Variants in UBXN7 observed in about 807,000 individuals in gnomAD.
UBXN7 encodes the protein UBX domain-containing protein 7.
A neutral mutation model predicts 58.0 loss-of-function variants in UBXN7; 9 were observed. The ratio of observed to expected loss-of-function variants is 0.16; its 90% CI spans 0.09 to 0.27. The LOEUF (loss-of-function observed/expected upper bound fraction) is 0.27, where lower values mean the gene tolerates loss of function less well. Among genes scored for constraint, UBXN7 ranks in the 10% least tolerant of loss-of-function variants. The pLI is 1.00. For missense variants in UBXN7, 328 were observed against 599.6 expected (o/e 0.55, Z 4.73); for synonymous variants, 208 against 205.0 (o/e 1.01, Z -0.12).
At chr3:196,414,577 T>C (rs1383114193) in intron 1 of UBXN7, 1 of 152,252 alleles carries the variant, frequency 6.6e-6, no homozygotes, top group African/African-American at 2.4e-5. Flanking sequence ...GTTCCCTTGG[T>C]AGGACTTTAT....
At chr3:196,367,131 C>T in intron 8 of UBXN7, among the ~76,000 whole-genome samples, 1 of 151,044 alleles carries the variant, frequency 6.6e-6, no homozygotes, top group African/African-American at 2.4e-5. Context: ...TGCAGTGAGC[C>T]AAGATCACAC....
chr3:196,387,122 GA>G (rs1729430292), intron 5 of UBXN7, among the ~76,000 whole-genome samples: 1 of 152,142 alleles, frequency 6.6e-6, no homozygotes, highest in African/African-American at 2.4e-5. Context: ...AGAGGCCTCA[GA>G]AATAACACCA....
chr3:196,368,406 A>G (rs1222169185), intron 7 of UBXN7, among the ~76,000 whole-genome samples: 1 of 152,198 alleles, frequency 6.6e-6, no homozygotes, highest in Non-Finnish European at 1.5e-5. Flanking sequence ...GGTAATATCT[A>G]GAATCTTTCT....
intron 4 of UBXN7, among the ~76,000 whole-genome samples, chr3:196,392,526 G>A (rs746587400): frequency 6.8e-6 from 1 of 147,564 alleles, no homozygotes; most frequent in South Asian, 2.1e-4. Flanking sequence ...AAATTAGCCA[G>A]GTGTAGTGGC....
chr3:196,392,859 T>C (rs1363421516), intron 4 of UBXN7, among the ~76,000 whole-genome samples: 2 of 152,258 alleles, frequency 1.3e-5, no homozygotes, highest in South Asian at 2.1e-4. Flanking sequence ...ATGACCACTG[T>C]TGTCACCTTC....
At chr3:196,362,006 A>T (rs1340372612) in intron 9 of UBXN7, 83 bp from the exon 10 acceptor site, 28 of 1,328,074 alleles carry the variant, frequency 2.1e-5, no homozygotes, top group Non-Finnish European at 2.8e-5. Context: ...TATGTAAATA[A>T]ATACAGCCAT....
intron 1 of UBXN7, among the ~76,000 whole-genome samples, chr3:196,417,451 T>C (rs764710212): frequency 3.9e-5 from 6 of 152,142 alleles, no homozygotes; most frequent in African/African-American, 1.4e-4. Flanking sequence ...GAAGATATGA[T>C]TTAATAAGAG....
intron 10 of UBXN7, among the ~76,000 whole-genome samples, chr3:196,357,347 AAC>A (rs1402895021): frequency 2.0e-5 from 3 of 152,216 alleles, no homozygotes; most frequent in Non-Finnish European, 4.4e-5. Context: ...GCATTTCAGT[AAC>A]ACAGTCTTCA....
At chr3:196,380,855 C>T (rs950998856) in intron 5 of UBXN7, among the ~76,000 whole-genome samples, 19 of 152,268 alleles carry the variant, frequency 1.2e-4, no homozygotes, top group African/African-American at 4.1e-4. Context: ...GCAGGTCCCA[C>T]GCCCATGGAG....
intron 1 of UBXN7, among the ~76,000 whole-genome samples, chr3:196,428,589 T>C (rs1730921667): frequency 6.6e-6 from 1 of 152,036 alleles, no homozygotes. Flanking sequence ...TTAGTTCTTT[T>C]CCCTTTTATC....
intron 10 of UBXN7, among the ~76,000 whole-genome samples, chr3:196,361,336 C>A (rs1486893719): frequency 6.6e-6 from 1 of 152,212 alleles, no homozygotes; most frequent in African/African-American, 2.4e-5. Context: ...GAATCTACTT[C>A]TGCTGAAGAT....
At chr3:196,375,495 G>A (rs1325938422) in intron 5 of UBXN7, among the ~76,000 whole-genome samples, 1 of 152,074 alleles carries the variant, frequency 6.6e-6, no homozygotes, top group African/African-American at 2.4e-5. Flanking sequence ...TAAAAAGAGA[G>A]AGTCTTAAAA....
intron 7 of UBXN7, among the ~76,000 whole-genome samples, chr3:196,369,067 G>A (rs767062650): frequency 2.0e-5 from 3 of 151,940 alleles, no homozygotes; most frequent in African/African-American, 4.8e-5. Flanking sequence ...CTCATGATCC[G>A]CCCACCTCGG....
At chr3:196,381,619 A>C (rs1311201263) in intron 5 of UBXN7, among the ~76,000 whole-genome samples, 1 of 152,242 alleles carries the variant, frequency 6.6e-6, no homozygotes, top group African/African-American at 2.4e-5. Flanking sequence ...CAACGGAACA[A>C]CGCTGGATGG....
Position 196,356,561 on chromosome 3 carries a change from G to T in UBXN7, c.*124C>A. 1 of 987,746 alleles carries T rather than the reference G, an allele frequency of 1.0e-6. No homozygotes were observed. The highest frequency in any genetic ancestry group is 2.7e-5 in the East Asian group (1 of 37,284). 61.2% of individuals were successfully genotyped at this position (987,746 alleles called of 1,614,324 possible). A position where few individuals can be genotyped will look rare whatever the true frequency, so the allele number is the denominator to read the frequency against. On this transcript the variant is annotated 3_prime_UTR_variant, in exon 11 of 11. Coordinates refer to ENST00000296328, the MANE Select transcript of UBXN7 (RefSeq NM_015562.2). Reference sequence around the variant, plus strand: ...TAGGAGAGATCAAGAAATAAGAGAAGGAAGGTGACTTGCTTGCCCAACTTT... The same window carrying T: ...TAGGAGAGATCAAGAAATAAGAGAATGAAGGTGACTTGCTTGCCCAACTTT...
intron 10 of UBXN7, among the ~76,000 whole-genome samples, chr3:196,361,421 T>C (rs1407563919): frequency 6.6e-6 from 1 of 152,220 alleles, no homozygotes; most frequent in Non-Finnish European, 1.5e-5. Context: ...TTGCGGCAAA[T>C]TCTGAGAAGA....
At chr3:196,361,655 CA>C (rs1728508128) in intron 10 of UBXN7, among the ~76,000 whole-genome samples, 188 bp downstream of exon 10, 2 of 152,286 alleles carry the variant, frequency 1.3e-5, no homozygotes, top group South Asian at 2.1e-4. Flanking sequence ...TTCAGGGGAT[CA>C]TTAGCACTTT....
intron 1 of UBXN7, among the ~76,000 whole-genome samples, chr3:196,423,110 G>A (rs545143600): frequency 6.6e-6 from 1 of 152,354 alleles, no homozygotes; most frequent in Non-Finnish European, 1.5e-5. Flanking sequence ...CTGCATGCCA[G>A]CCTGATCAAG....
rs111905315 is a variant in UBXN7 at position 196,367,599 on chromosome 3, C to T, written c.834+429G>A. Among the ~76,000 whole-genome samples the T allele has an allele frequency of 2.6e-3, 391 of 152,270 alleles. 5 individuals are homozygous for T. The highest frequency in any genetic ancestry group is 8.5e-3 in the African/African-American group (353 of 41,562). On this transcript the variant is annotated intron_variant, in intron 8 of 10. Transcript: ENST00000296328. ...GTCTGGGCAAAACAGCAAGATCCCA[C>T]TCCAAAACAAAAAACAAAACACACA... is the stretch of plus-strand genomic sequence containing the variant.
Sources: gnomAD v4.1 joint callset for allele counts (sites outside exome capture counted in the v4.1 genomes callset) on GRCh38, gnomAD v4.1.1 for gene constraint, MANE v1.5 for transcripts, NCBI Gene and HGNC (gene_info 2026-07-23, HGNC 2026-07-21) for gene names.